The following USH2A variants were observed in gnomAD, a reference collection of about 807,000 sequenced individuals.
USH2A encodes the protein Usher syndrome 2A (autosomal recessive, mild).
A neutral mutation model predicts 538.9 loss-of-function variants in USH2A; 443 were observed. The ratio of observed to expected loss-of-function variants is 0.82; its 90% CI spans 0.76 to 0.89. The LOEUF (loss-of-function observed/expected upper bound fraction) is 0.89. Among genes scored for constraint, USH2A ranks in the 40% least tolerant of loss-of-function variants. USH2A has a pLI of 0.00. For missense variants in USH2A, 6,633 were observed against 6,324.8 expected (o/e 1.05, Z -1.65); for synonymous variants, 2,413 against 2,273.5 (o/e 1.06, Z -1.75).
At chr1:216,233,358 G>A (rs1027326841) in intron 13 of USH2A, among the ~76,000 whole-genome samples, 18 of 152,050 alleles carry the variant, frequency 1.2e-4, no homozygotes, top group Admixed American at 9.2e-4. Flanking sequence ...ACTTCCTCAG[G>A]CAACTTTCCC....
chr1:216,243,819 G>A (rs1276949987), intron 13 of USH2A, among the ~76,000 whole-genome samples: 1 of 152,060 alleles, frequency 6.6e-6, no homozygotes, highest in East Asian at 1.9e-4. Context: ...TTTTCACCAT[G>A]TTTAATGCTC....
chr1:215,997,219 T>C (rs1284767794), intron 34 of USH2A, among the ~76,000 whole-genome samples: 1 of 152,166 alleles, frequency 6.6e-6, no homozygotes. Context: ...TCTGCCCTAA[T>C]AAATATAGTG....
In USH2A at chr1:215,660,955, G is replaced by A. The variant is rs11804857; in HGVS notation, c.14133+10017C>T. ...TTTGTTTCCACCTGCAGATTAGATT[G>A]CTTCATATATCCTGAGATGTTTATT... On this transcript the variant is annotated intron_variant, in intron 64 of 71. Transcript: ENST00000307340. Among the ~76,000 whole-genome samples, 475 of 152,274 alleles carry A rather than the reference G, an allele frequency of 3.1e-3. 3 individuals are homozygous for A. Among genetic ancestry groups the A allele is most frequent in the African/African-American group, 0.011 (460 of 41,550 alleles).
intron 3 of USH2A, among the ~76,000 whole-genome samples, chr1:216,368,470 A>G (rs2038641305): frequency 6.6e-6 from 1 of 152,178 alleles, no homozygotes; most frequent in Admixed American, 6.5e-5. Context: ...ATAGAGAGAC[A>G]GAATACCTGT....
intron 32 of USH2A, among the ~76,000 whole-genome samples, chr1:216,037,505 T>C (rs2030041727): frequency 6.6e-6 from 1 of 152,110 alleles, no homozygotes; most frequent in Non-Finnish European, 1.5e-5. Context: ...GATTGTTCTT[T>C]GTTTTCAGGA....
In USH2A at chr1:215,647,627, G is replaced by C. The variant is rs577860868; in HGVS notation, c.14686C>G (p.Leu4896Val). 2 of 1,614,154 alleles carry C rather than the reference G, an allele frequency of 1.2e-6. No individual in the cohort carries two copies. Residue 4896 changes from leucine to valine, a missense_variant, in exon 67 of 72, where the codon CTT becomes GTT. Coordinates refer to ENST00000307340, the MANE Select transcript of USH2A (RefSeq NM_206933.4). ...GTGGTGTAGGGCTGGAGACCCCCAAGGCTGGCTTTCTGCCCCAGCCCCGTG... is the reference window on the plus strand; with the variant it reads ...GTGGTGTAGGGCTGGAGACCCCCAACGCTGGCTTTCTGCCCCAGCCCCGTG... ...KYTGLGQKAS[L>V]GGLQPYTTYK...
At chr1:216,018,537 T>C (rs1198403623) in intron 32 of USH2A, among the ~76,000 whole-genome samples, 1 of 152,168 alleles carries the variant, frequency 6.6e-6, no homozygotes, top group African/African-American at 2.4e-5. Flanking sequence ...TTGTTCTCTT[T>C]ATTGTGTCTT....
At chr1:215,974,684 T>C (rs1667581365) in intron 35 of USH2A, among the ~76,000 whole-genome samples, 1 of 152,188 alleles carries the variant, frequency 6.6e-6, no homozygotes, top group Admixed American at 6.6e-5. Flanking sequence ...GTTTTTTCTG[T>C]GGTTGTATAG....
At chr1:215,631,466 G>A (rs1358584534) in intron 70 of USH2A, among the ~76,000 whole-genome samples, 1 of 152,162 alleles carries the variant, frequency 6.6e-6, no homozygotes, top group Non-Finnish European at 1.5e-5. Flanking sequence ...GCTAATTTTT[G>A]ACAATGTCTC....
intron 35 of USH2A, among the ~76,000 whole-genome samples, chr1:215,979,311 G>T (rs759056957): frequency 1.3e-5 from 2 of 152,230 alleles, no homozygotes; most frequent in East Asian, 3.9e-4. Context: ...TTTGGGTGGG[G>T]ACACAGAGCC....
intron 35 of USH2A, among the ~76,000 whole-genome samples, chr1:215,983,612 C>A (rs187762301): frequency 6.7e-6 from 1 of 149,686 alleles, no homozygotes. Flanking sequence ...CACGCACTAC[C>A]CCCCCATCAA....
chr1:216,145,848 A>G (rs150132052), intron 21 of USH2A, among the ~76,000 whole-genome samples: 1,661 of 151,642 alleles, frequency 0.011, 17 homozygotes, highest in African/African-American at 0.025. Flanking sequence ...AGCACCTTGC[A>G]ACCCCCACTC....
intron 42 of USH2A, 144 bp downstream of exon 42, chr1:215,878,620 T>C (rs1223255406): frequency 6.4e-6 from 5 of 778,606 alleles, no homozygotes; most frequent in Admixed American, 2.1e-5. Context: ...TACAGTATGA[T>C]AGTGTATGAA....
At chr1:216,280,454 T>C (rs891722747) in intron 11 of USH2A, among the ~76,000 whole-genome samples, 6 of 151,830 alleles carry the variant, frequency 4.0e-5, no homozygotes, top group East Asian at 1.9e-4. Context: ...CAGACATAAA[T>C]TGTATCCTAC....
chr1:215,861,993 C>A (rs1468103702), intron 44 of USH2A, among the ~76,000 whole-genome samples: 2 of 151,932 alleles, frequency 1.3e-5, no homozygotes, highest in Non-Finnish European at 2.9e-5. Flanking sequence ...GCATGCACCA[C>A]CACACCTGGC....
At chr1:216,022,358 C>G (rs983965242) in intron 32 of USH2A, among the ~76,000 whole-genome samples, 2 of 152,086 alleles carry the variant, frequency 1.3e-5, no homozygotes, top group African/African-American at 2.4e-5. Context: ...GTGCTGTTAA[C>G]TCAGATATCT....
intron 61 of USH2A, among the ~76,000 whole-genome samples, chr1:215,723,992 A>G (rs1341749167): frequency 1.3e-5 from 2 of 152,208 alleles, no homozygotes; most frequent in African/African-American, 4.8e-5. Flanking sequence ...TCGTATGTGT[A>G]TTACGGCACT....
At position 216,034,877 on chromosome 1, in the gene USH2A, C is replaced by T. The variant is rs376354293; in HGVS notation, c.6325+11554G>A. 2.0e-5 allele frequency among the ~76,000 whole-genome samples: 3 copies of T among 152,226 alleles called. No individual in the cohort carries two copies. The East Asian group carries it at 5.8e-4, about 29-fold the overall frequency. ...TACATTTCTATTGTGTTAAGGCATC[C>T]CATTTTGGGTATTGTATTAAGCAGC... On this transcript the variant is annotated intron_variant, in intron 32 of 71. Coordinates refer to ENST00000307340, the MANE Select transcript of USH2A (RefSeq NM_206933.4).
chr1:215,846,537 C>A (rs1487252615), intron 44 of USH2A, among the ~76,000 whole-genome samples: 1 of 151,998 alleles, frequency 6.6e-6, no homozygotes, highest in Non-Finnish European at 1.5e-5. Context: ...TAATAATTTG[C>A]GTTTTTTCCC....
Sources: allele counts gnomAD v4.1 joint callset (sites outside exome capture counted in the v4.1 genomes callset), GRCh38; gene constraint gnomAD v4.1.1; transcripts MANE v1.5; gene names NCBI Gene and HGNC (gene_info 2026-07-23, HGNC 2026-07-21).